CHGB: variants seen among roughly 807,000 people sequenced by gnomAD.
CHGB encodes chromogranin B, also known as secretogranin-1.
In CHGB, 46 loss-of-function variants were observed where a neutral mutation model predicts 69.9. That is an observed-to-expected ratio of 0.66 (90% CI 0.52 to 0.84). CHGB has a LOEUF of 0.84. CHGB is among the 40% of genes least tolerant of loss of function. The pLI is 0.00. For missense variants in CHGB, 796 were observed against 822.2 expected (o/e 0.97, Z 0.39); for synonymous variants, 312 against 298.2 (o/e 1.05, Z -0.48).
At position 5,923,321 on chromosome 20, in the gene CHGB, G is replaced by C. The variant is rs372023928; in HGVS notation, c.1177G>C (p.Glu393Gln). The C allele has an allele frequency of 6.2e-7, 1 of 1,613,736 alleles. No individual in the cohort carries two copies. Among genetic ancestry groups the C allele is most frequent in the South Asian group, 1.1e-5 (1 of 91,086 alleles). Reference protein sequence around the residue: ...EEDKRNYPSLELDKMAHGYGE... With the variant: ...EEDKRNYPSLQLDKMAHGYGE... Reference sequence around the variant, plus strand: ...GGACAAGAGAAACTACCCCAGCTTAGAGCTTGATAAGATGGCACATGGATA... The same window carrying C: ...GGACAAGAGAAACTACCCCAGCTTACAGCTTGATAAGATGGCACATGGATA... Residue 393 changes from glutamate (E) to glutamine (Q), a missense_variant, in exon 4 of 5, where the codon GAG becomes CAG. Coordinates refer to ENST00000378961, the MANE Select transcript of CHGB (RefSeq NM_001819.3).
intron 3 of CHGB, among the ~76,000 whole-genome samples, chr20:5,920,752 A>G (rs1474202460): frequency 2.0e-5 from 3 of 152,210 alleles, no homozygotes; most frequent in Non-Finnish European, 4.4e-5. Flanking sequence ...CCATGCCCCA[A>G]TGCTATACAC....
rs181871170 is a variant in CHGB at position 5,916,274 on chromosome 20, C to G, written c.50-52C>G. ...GGTGATTTTGTCAGTTGGGGTCACACAGCTTTCAAAAACCAACTCAAGTCA... is the reference window on the plus strand; with the variant it reads ...GGTGATTTTGTCAGTTGGGGTCACAGAGCTTTCAAAAACCAACTCAAGTCA... On this transcript the variant is annotated intron_variant, in intron 1 of 4. Coordinates refer to ENST00000378961, the MANE Select transcript of CHGB (RefSeq NM_001819.3). The G allele has an allele frequency of 1.0e-4, 152 of 1,483,860 alleles. No individual in the cohort carries two copies. The African/African-American group carries it at 1.7e-3, about 17-fold the overall frequency. 91.9% of individuals were successfully genotyped at this position (1,483,860 alleles called of 1,614,324 possible).
Position 5,922,944 on chromosome 20 carries a change from A to G in CHGB, c.800A>G (p.Glu267Gly), listed in dbSNP as rs112334400. 326 of 1,611,946 alleles carry G rather than the reference A, an allele frequency of 2.0e-4. No individual in the cohort carries two copies. The African/African-American group carries it at 3.9e-3, about 19-fold the overall frequency. The change falls in exon 4 of 5, where the codon GAG becomes GGG. Residue 267 changes from glutamate (E) to glycine (G), a missense_variant. By Grantham distance (98) the Glu-to-Gly change is moderately conservative (BLOSUM62 -2). This residue lies in a region of CHGB where 518 missense variants were observed against 506.3 expected (regional missense o/e 1.02). Coordinates refer to ENST00000378961, the MANE Select transcript of CHGB (RefSeq NM_001819.3). ...PRSQEESEEG[E>G]EDATSEVDKR... is the part of the protein sequence containing the mutation. ...AGCCAGGAAGAATCTGAGGAAGGTG[A>G]GGAAGATGCCACCTCTGAGGTGGAC... is the stretch of plus-strand genomic sequence containing the variant.
intron 1 of CHGB, among the ~76,000 whole-genome samples, chr20:5,914,309 C>T (rs1354554504): frequency 6.6e-6 from 1 of 152,032 alleles, no homozygotes; most frequent in African/African-American, 2.4e-5. Flanking sequence ...AATGTATGTT[C>T]AAAAGCAGAC....
chr20:5,924,664 T>G (rs985224568), intron 4 of CHGB, among the ~76,000 whole-genome samples: 1 of 152,198 alleles, frequency 6.6e-6, no homozygotes, highest in African/African-American at 2.4e-5. Context: ...AACAATGTTT[T>G]TTTTCCTAAT....
At chr20:5,919,549 A>C (rs2088501563) in intron 3 of CHGB, among the ~76,000 whole-genome samples, 1 of 152,254 alleles carries the variant, frequency 6.6e-6, no homozygotes, top group Admixed American at 6.5e-5. Flanking sequence ...AGAAATACAG[A>C]CTATGTTGTC....
chr20:5,911,589 C>A lies in CHGB; in HGVS notation c.-45C>A, dbSNP rs900808710. ...TCCTCCTGCGCCTCGCTTCTCCGGTCCAGCCGCCATCTTCCTTTCCGCACA... is the reference window on the plus strand; with the variant it reads ...TCCTCCTGCGCCTCGCTTCTCCGGTACAGCCGCCATCTTCCTTTCCGCACA... On this transcript the variant is annotated 5_prime_UTR_variant, in exon 1 of 5. Coordinates refer to ENST00000378961, the MANE Select transcript of CHGB (RefSeq NM_001819.3). The A allele has an allele frequency of 1.3e-6, 2 of 1,516,628 alleles. No homozygotes were observed. Among genetic ancestry groups the A allele is most frequent in the South Asian group, 1.2e-5 (1 of 83,356 alleles). The allele number at this position is 1,516,628 out of a possible 1,614,324, so 93.9% of individuals were successfully genotyped here. A position where few individuals can be genotyped will look rare whatever the true frequency, so the allele number is the denominator to read the frequency against.
chr20:5,911,570 T>C lies in CHGB; in HGVS notation c.-64T>C, dbSNP rs2088446375. ...GGGCCGCTCCATCGCGCCTTCCTCC[T>C]GCGCCTCGCTTCTCCGGTCCAGCCG... On this transcript the variant is annotated 5_prime_UTR_variant, in exon 1 of 5. Coordinates refer to ENST00000378961, the MANE Select transcript of CHGB (RefSeq NM_001819.3). 6 of 1,494,654 alleles carry C rather than the reference T, an allele frequency of 4.0e-6. No homozygotes were observed. The highest frequency in any genetic ancestry group is 5.4e-6 in the Non-Finnish European group (6 of 1,119,686). 92.6% of individuals were successfully genotyped at this position (1,494,654 alleles called of 1,614,324 possible). A position where few individuals can be genotyped will look rare whatever the true frequency, so the allele number is the denominator to read the frequency against.
chr20:5,924,945 A>G (rs367899822), intron 4 of CHGB, 27 bp from the exon 5 acceptor site: 7 of 1,497,996 alleles, frequency 4.7e-6, no homozygotes, highest in Admixed American at 1.7e-5. Flanking sequence ...TCGGGACCTC[A>G]TGCCTCCACT....
Position 5,918,482 on chromosome 20 carries a change from G to A in CHGB, c.190+1563G>A, listed in dbSNP as rs371115675. 7.9e-5 allele frequency among the ~76,000 whole-genome samples: 12 copies of A among 152,164 alleles called. No individual in the cohort carries two copies. The East Asian group carries it at 2.1e-3, about 27-fold the overall frequency. ...GCTATAGCTATACATGAGCCCTCATGCATGAAATGGTAAAAAGCAAATAGT... is the reference window on the plus strand; with the variant it reads ...GCTATAGCTATACATGAGCCCTCATACATGAAATGGTAAAAAGCAAATAGT... On this transcript the variant is annotated intron_variant, in intron 3 of 4. Coordinates refer to ENST00000378961, the MANE Select transcript of CHGB (RefSeq NM_001819.3).
Position 5,925,066 on chromosome 20 carries a change from G to T in CHGB, c.*17G>T. The stretch of plus-strand genomic sequence containing the variant: ...AGGGGCTGACTGTCATTGGAGCGGT[G>T]GGCACTGTTAAGAAGCAGCCATCAC... On this transcript the variant is annotated 3_prime_UTR_variant, in exon 5 of 5. Transcript: ENST00000378961. 6.3e-7 allele frequency: 1 copy of T among 1,579,944 alleles called. No homozygotes were observed. The highest frequency in any genetic ancestry group is 1.1e-5 in the South Asian group (1 of 89,766).
In CHGB at chr20:5,923,952, G is replaced by A. The variant is rs1247841677; in HGVS notation, c.1808G>A (p.Arg603Lys). ...CTGGACCTGAAAAGGCAATATGACAGGGTGGCCCAACTGGACCAGCTCCTT... is the reference window on the plus strand; with the variant it reads ...CTGGACCTGAAAAGGCAATATGACAAGGTGGCCCAACTGGACCAGCTCCTT... The part of the protein sequence containing the change: ...PKLDLKRQYD[R>K]VAQLDQLLHY... The change falls in exon 4 of 5, where the codon AGG becomes AAG. Residue 603 changes from arginine to lysine, a missense_variant. By Grantham distance (26) the Arg-to-Lys change is conservative (BLOSUM62 2). Transcript: ENST00000378961. The A allele has an allele frequency of 1.9e-6, 3 of 1,614,148 alleles. No homozygotes were observed.
chr20:5,911,638 A>T lies in CHGB; in HGVS notation c.5A>T (p.Gln2Leu). The part of the protein sequence containing the change: M[Q>L]PTLLLSLLGA... The stretch of plus-strand genomic sequence containing the variant: ...CAGGGGCCGCCGAGCGGGGCCATGC[A>T]GCCAACGCTGCTTCTCAGCCTCCTG... The change falls in exon 1 of 5, where the codon CAG becomes CTG. Residue 2 changes from glutamine (Q) to leucine (L), a missense_variant. Around this residue, in one of 3 missense-constraint regions of CHGB, gnomAD observed 518 missense variants for 506.3 expected, o/e 1.02. Transcript: ENST00000378961. 6.6e-7 allele frequency: 1 copy of T among 1,512,984 alleles called. No individual in the cohort carries two copies. The highest frequency in any genetic ancestry group is 8.8e-7 in the Non-Finnish European group (1 of 1,135,342). 93.7% of individuals were successfully genotyped at this position (1,512,984 alleles called of 1,614,324 possible).
chr20:5,924,542 GAGA>G (rs1290088282), intron 4 of CHGB, among the ~76,000 whole-genome samples: 2 of 152,198 alleles, frequency 1.3e-5, no homozygotes, highest in Non-Finnish European at 2.9e-5. Flanking sequence ...ATAGGTGATA[GAGA>G]AGTTTACTTG....
At chr20:5,913,997 G>C (rs2088461966) in intron 1 of CHGB, among the ~76,000 whole-genome samples, 1 of 152,110 alleles carries the variant, frequency 6.6e-6, no homozygotes, top group Non-Finnish European at 1.5e-5. Context: ...TTTCAATCCA[G>C]TATCAAACCT....
Position 5,922,984 on chromosome 20 carries a change from G to A in CHGB, c.840G>A (p.Arg280=). 1.2e-6 allele frequency: 2 copies of A among 1,610,334 alleles called. No individual in the cohort carries two copies. The highest frequency in any genetic ancestry group is 1.1e-5 in the South Asian group (1 of 90,738). Residue 280 remains arginine (R), a synonymous_variant, in exon 4 of 5, where the codon AGG becomes AGA. Transcript: ENST00000378961. ...ATSEVDKRRT[R]PRHHHGRSRP... ...CTGAGGTGGACAAACGACGCACGAG[G>A]CCCAGACACCACCACGGGAGGAGCA...
At chr20:5,920,930 A>G (rs866571954) in intron 3 of CHGB, among the ~76,000 whole-genome samples, 1 of 152,234 alleles carries the variant, frequency 6.6e-6, no homozygotes, top group Non-Finnish European at 1.5e-5. Context: ...TATTTCTTGG[A>G]CATTTTTACA....
intron 3 of CHGB, among the ~76,000 whole-genome samples, chr20:5,918,366 C>G (rs1471605814): frequency 1.3e-5 from 2 of 151,718 alleles, no homozygotes; most frequent in African/African-American, 4.8e-5. Flanking sequence ...TGGATACAGC[C>G]TGGGTGGCAG....
chr20:5,918,148 T>TGAAA (rs2088489032), intron 3 of CHGB, among the ~76,000 whole-genome samples: 1 of 86,084 alleles, frequency 1.2e-5, no homozygotes, highest in Non-Finnish European at 2.1e-5. Flanking sequence ...AGACTCCATC[T>TGAAA]AAAAAAAAAA....
Sources: allele counts gnomAD v4.1 joint callset (sites outside exome capture counted in the v4.1 genomes callset), GRCh38; gene constraint gnomAD v4.1.1; regional missense constraint gnomAD v4.1.1; transcripts MANE v1.5; gene names NCBI Gene and HGNC (gene_info 2026-07-23, HGNC 2026-07-21).